Variants in CELA1 observed in about 807,000 individuals in gnomAD.
CELA1 encodes chymotrypsin like elastase 1.
In CELA1, 28 loss-of-function variants were observed where a neutral mutation model predicts 34.8. The observed-to-expected ratio is 0.80, with a 90% CI of 0.60 to 1.10. The LOEUF is 1.10. Among genes scored for constraint, CELA1 ranks in the 50% least tolerant of loss-of-function variants. The probability of loss-of-function intolerance (pLI) is 0.00; values close to 1 mark genes in which losing one functional copy is unlikely to be tolerated. For synonymous variants in CELA1, 140 were observed against 129.8 expected (o/e 1.08, Z -0.53); for missense variants, 288 against 327.5 (o/e 0.88, Z 0.93).
At chr12:51,335,818 A>G (rs1007666623) in intron 6 of CELA1, among the ~76,000 whole-genome samples, 3 of 151,570 alleles carry the variant, frequency 2.0e-5, no homozygotes, top group African/African-American at 7.3e-5. Flanking sequence ...TAAAATTTTC[A>G]TAGAGATGAA....
In CELA1 at chr12:51,333,248, C is replaced by T. The variant is rs1473298030; in HGVS notation, c.610-3415G>A. ...TAGCTGGGATTACAGGCATAAACCACCACACCTGGCTAATTTTGCATTTTT... is the reference window on the plus strand; with the variant it reads ...TAGCTGGGATTACAGGCATAAACCATCACACCTGGCTAATTTTGCATTTTT... On this transcript the variant is annotated intron_variant, in intron 6 of 7. Transcript: ENST00000293636. 2.0e-5 allele frequency among the ~76,000 whole-genome samples: 3 copies of T among 152,228 alleles called. No individual in the cohort carries two copies. In the East Asian group the frequency reaches 5.8e-4, roughly 29 times the overall value.
intron 6 of CELA1, among the ~76,000 whole-genome samples, chr12:51,334,181 C>T (rs1946488014): frequency 6.6e-6 from 1 of 152,130 alleles, no homozygotes; most frequent in South Asian, 2.1e-4. Flanking sequence ...GAGCTCAGGG[C>T]TTATGGGAGA....
At chr12:51,338,821 G>A (rs1486881550) in intron 6 of CELA1, among the ~76,000 whole-genome samples, 1 of 152,128 alleles carries the variant, frequency 6.6e-6, no homozygotes. Context: ...ACTGCATTAA[G>A]AAATCTGGGG....
chr12:51,337,433 A>G (rs1323523701), intron 6 of CELA1, among the ~76,000 whole-genome samples: 1 of 144,272 alleles, frequency 6.9e-6, no homozygotes, highest in African/African-American at 2.6e-5. Flanking sequence ...GCTACTTGGG[A>G]GGCTGAGGTG....
rs997922729 is a variant in CELA1 at position 51,329,926 on chromosome 12, A to T, written c.610-93T>A. The T allele has an allele frequency of 8.1e-5, 101 of 1,250,886 alleles. No individual in the cohort carries two copies. In the South Asian group the frequency reaches 1.4e-3, roughly 18 times the overall value. The allele number at this position is 1,250,886 out of a possible 1,614,324, so 77.5% of individuals were successfully genotyped here. On this transcript the variant is annotated intron_variant, in intron 6 of 7. Coordinates refer to ENST00000293636, the MANE Select transcript of CELA1 (RefSeq NM_001971.6). ...CCCGTCTCTGGTTGTGAAATTCTGT[A>T]CGGTTTTAAAGCTCCAATGCAAATC... is the stretch of plus-strand genomic sequence containing the variant.
chr12:51,334,117 T>C (rs1946487651), intron 6 of CELA1, among the ~76,000 whole-genome samples: 1 of 152,198 alleles, frequency 6.6e-6, no homozygotes, highest in African/African-American at 2.4e-5. Context: ...CACAATTGCC[T>C]CTGAGAACTG....
intron 7 of CELA1, 68 bp downstream of exon 7, chr12:51,329,616 T>TC (rs1946456640): frequency 2.7e-6 from 4 of 1,469,482 alleles, no homozygotes; most frequent in Non-Finnish European, 3.6e-6. Context: ...CAACGTTTGT[T>TC]CCCCAACCCA....
At chr12:51,334,538 A>C (rs1407436473) in intron 6 of CELA1, among the ~76,000 whole-genome samples, 2 of 151,850 alleles carry the variant, frequency 1.3e-5, no homozygotes, top group Admixed American at 6.6e-5. Context: ...GGTTCACACC[A>C]TTCTCCTTCC....
chr12:51,343,163 TG>T (rs1433836985), intron 3 of CELA1, among the ~76,000 whole-genome samples: 2 of 152,174 alleles, frequency 1.3e-5, no homozygotes, highest in Non-Finnish European at 2.9e-5. Flanking sequence ...AATGAAATAA[TG>T]GCTCTCAGCC....
intron 2 of CELA1, among the ~76,000 whole-genome samples, chr12:51,345,004 AATCCCAGCTACTCAGGAGGCTGAC>A (rs1282416155): frequency 5.9e-5 from 9 of 152,132 alleles, no homozygotes; most frequent in African/African-American, 2.2e-4. Context: ...AGGCGCCTGT[AATCCCAGCTACTCAGGAGGCTGAC>A]GCAGGAGAAC....
chr12:51,333,122 T>C (rs1166853226), intron 6 of CELA1, among the ~76,000 whole-genome samples: 5 of 151,516 alleles, frequency 3.3e-5, no homozygotes, highest in African/African-American at 1.2e-4. Flanking sequence ...GAGACTGAGT[T>C]TCGCTCTTGT....
chr12:51,339,055 G>A (rs1946517294), intron 6 of CELA1, among the ~76,000 whole-genome samples: 1 of 152,180 alleles, frequency 6.6e-6, no homozygotes, highest in African/African-American at 2.4e-5. Context: ...TTATATATAA[G>A]CTATTATAAA....
chr12:51,342,792 T>TA, intron 3 of CELA1, 92 bp from the exon 4 acceptor site: 1 of 1,386,118 alleles, frequency 7.2e-7, no homozygotes, highest in Non-Finnish European at 9.6e-7. Flanking sequence ...TCTTTTTTTT[T>TA]AATCATTATT....
intron 7 of CELA1, 88 bp from the exon 8 acceptor site, chr12:51,328,682 T>G: frequency 6.8e-7 from 1 of 1,473,252 alleles, no homozygotes; most frequent in Non-Finnish European, 9.5e-7. Flanking sequence ...AGTATGGTTT[T>G]GTACTGGGTT....
intron 6 of CELA1, among the ~76,000 whole-genome samples, chr12:51,332,995 T>G (rs1385091884): frequency 5.9e-5 from 9 of 152,150 alleles, no homozygotes; most frequent in Admixed American, 5.2e-4. Context: ...AGTAGTGCCA[T>G]TTCGGCTCAC....
At chr12:51,345,771 C>A in intron 2 of CELA1, 24 bp downstream of exon 2, 1 of 1,524,040 alleles carries the variant, frequency 6.6e-7, no homozygotes, top group South Asian at 1.2e-5. Context: ...GGGTGGAAGT[C>A]TGGGGCTGGG....
chr12:51,340,550 T>C (rs1232732804), intron 5 of CELA1, among the ~76,000 whole-genome samples: 2 of 152,012 alleles, frequency 1.3e-5, no homozygotes, highest in Non-Finnish European at 2.9e-5. Flanking sequence ...CCACCATGCC[T>C]GGCTAATTTT....
At position 51,342,613 on chromosome 12, in the gene CELA1, C is replaced by T. The variant is rs1001001762; in HGVS notation, c.288G>A (p.Val96=). 5 of 1,614,128 alleles carry T rather than the reference C, an allele frequency of 3.1e-6. No individual in the cohort carries two copies. The highest frequency in any genetic ancestry group is 1.1e-5 in the South Asian group (1 of 91,082). Residue 96 remains valine (V), a synonymous_variant, in exon 4 of 8, where the codon GTG becomes GTA. Coordinates refer to ENST00000293636, the MANE Select transcript of CELA1 (RefSeq NM_001971.6). ...TEQYVSVQKI[V]VHPYWNSDNV... The stretch of plus-strand genomic sequence containing the variant: ...TATCGCTGTTCCAGTATGGATGCAC[C>T]ACGATCTTCTGCACACTCACGTACT...
Position 51,338,287 on chromosome 12 carries a change from C to CACACACAT in CELA1, c.609+1572_609+1573insATGTGTGT, listed in dbSNP as rs1366687008. ...ACACACACACACACACACACACACA[C>CACACACAT]ATACACATACGCATACATATATATA... On this transcript the variant is annotated intron_variant, in intron 6 of 7. Coordinates refer to ENST00000293636, the MANE Select transcript of CELA1 (RefSeq NM_001971.6). Among the ~76,000 whole-genome samples the CACACACAT allele has an allele frequency of 8.0e-3, 990 of 124,228 alleles. 20 individuals are homozygous for CACACACAT. The highest frequency in any genetic ancestry group is 0.028 in the African/African-American group (938 of 33,366). The allele number at this position is 124,228 out of a possible 152,430, so 81.5% of individuals were successfully genotyped here.
Sources: gnomAD v4.1 joint callset for allele counts (sites outside exome capture counted in the v4.1 genomes callset) on GRCh38, gnomAD v4.1.1 for gene constraint, MANE v1.5 for transcripts, NCBI Gene and HGNC (gene_info 2026-07-23, HGNC 2026-07-21) for gene names.